VKORC1L1: variants seen among roughly 807,000 people sequenced by gnomAD.
VKORC1L1 encodes vitamin K epoxide reductase complex subunit 1-like protein 1.
In VKORC1L1, 2 loss-of-function variants were observed where a neutral mutation model predicts 18.9. The ratio of observed to expected loss-of-function variants is 0.11; its 90% CI spans 0.04 to 0.33. VKORC1L1 has a LOEUF of 0.33. Among genes scored for constraint, VKORC1L1 ranks in the 10% least tolerant of loss-of-function variants. The probability of loss-of-function intolerance (pLI) is 1.00; values close to 1 mark genes in which losing one functional copy is unlikely to be tolerated. For synonymous variants in VKORC1L1, 96 were observed against 100.0 expected (o/e 0.96, Z 0.24); for missense variants, 123 against 224.1 (o/e 0.55, Z 2.88).
chr7:65,869,434 G>A (rs1204166329), upstream of VKORC1L1, among the ~76,000 whole-genome samples: 1 of 152,106 alleles, frequency 6.6e-6, no homozygotes, highest in Non-Finnish European at 1.5e-5. Flanking sequence ...GTATGTCAGA[G>A]TTTAAGATTT....
At chr7:65,869,003 G>A (rs1788693692), upstream of VKORC1L1, among the ~76,000 whole-genome samples, 1 of 152,152 alleles carries the variant, frequency 6.6e-6, no homozygotes, top group African/African-American at 2.4e-5. Context: ...CCTTGGTTTT[G>A]AATGTATTTC....
intron 1 of VKORC1L1, among the ~76,000 whole-genome samples, chr7:65,939,954 T>G (rs1583861994): frequency 6.6e-6 from 1 of 152,174 alleles, no homozygotes; most frequent in Admixed American, 6.5e-5. Flanking sequence ...GATTGCCAAA[T>G]GTAATAGTCT....
chr7:65,940,711 G>A (rs1027901782), intron 1 of VKORC1L1, among the ~76,000 whole-genome samples: 3 of 152,144 alleles, frequency 2.0e-5, no homozygotes, highest in African/African-American at 7.2e-5. Flanking sequence ...CTCAGAAGGG[G>A]TTCAGAAGAC....
At chr7:65,946,940 G>C (rs1219663605) in intron 1 of VKORC1L1, among the ~76,000 whole-genome samples, 1 of 151,884 alleles carries the variant, frequency 6.6e-6, no homozygotes, top group African/African-American at 2.4e-5. Context: ...TTCAAGACCA[G>C]CCTTGGCACA....
intron 1 of VKORC1L1, among the ~76,000 whole-genome samples, chr7:65,935,786 G>A (rs577886203): frequency 1.3e-5 from 2 of 152,246 alleles, no homozygotes; most frequent in South Asian, 2.1e-4. Flanking sequence ...TGTTAACTGA[G>A]TTTTTGAATC....
chr7:65,919,783 C>T (rs1789646004), intron 1 of VKORC1L1, among the ~76,000 whole-genome samples: 1 of 152,096 alleles, frequency 6.6e-6, no homozygotes, highest in Admixed American at 6.5e-5. Flanking sequence ...CCAGGCCGGG[C>T]GCGGTGGCTC....
intron 1 of VKORC1L1, among the ~76,000 whole-genome samples, chr7:65,906,635 G>C (rs1789410731): frequency 6.6e-6 from 1 of 152,142 alleles, no homozygotes; most frequent in Non-Finnish European, 1.5e-5. Context: ...TTTGGCCCTA[G>C]GGACCCAGAA....
chr7:65,944,788 A>T (rs1790090122), intron 1 of VKORC1L1, among the ~76,000 whole-genome samples: 1 of 151,846 alleles, frequency 6.6e-6, no homozygotes, highest in South Asian at 2.1e-4. Flanking sequence ...ACGGTGGTGG[A>T]TGCCTGTGGT....
upstream of VKORC1L1, among the ~76,000 whole-genome samples, chr7:65,869,391 A>G (rs1391006335): frequency 6.6e-6 from 1 of 152,182 alleles, no homozygotes; most frequent in Non-Finnish European, 1.5e-5. Flanking sequence ...CCACCTTGGA[A>G]TATAGAATTT....
upstream of VKORC1L1, among the ~76,000 whole-genome samples, chr7:65,870,063 G>T (rs549417967): frequency 1.5e-3 from 235 of 151,906 alleles, 1 homozygote; most frequent in African/African-American, 5.5e-3. Flanking sequence ...TTTGCTGTGG[G>T]CCTATTGTTT....
chr7:65,944,036 T>G (rs1790078450), intron 1 of VKORC1L1, among the ~76,000 whole-genome samples: 1 of 152,142 alleles, frequency 6.6e-6, no homozygotes, highest in African/African-American at 2.4e-5. Context: ...CCCAGCACTT[T>G]GGGAGGCTTC....
chr7:65,890,717 T>C (rs1562984821), intron 1 of VKORC1L1, among the ~76,000 whole-genome samples: 1 of 152,224 alleles, frequency 6.6e-6, no homozygotes, highest in Non-Finnish European at 1.5e-5. Flanking sequence ...CTACCAACAA[T>C]GTGTGAGAAT....
intron 1 of VKORC1L1, among the ~76,000 whole-genome samples, chr7:65,909,909 G>T (rs1450293768): frequency 1.3e-5 from 2 of 151,872 alleles, no homozygotes; most frequent in African/African-American, 4.8e-5. Flanking sequence ...ATAGAGACAG[G>T]GTTTCAGGAT....
chr7:65,957,866 TTTTG>T lies in VKORC1L1; in HGVS notation c.*3570_*3573del, dbSNP rs1000628904. On this transcript the variant is annotated 3_prime_UTR_variant, in exon 3 of 3. Transcript: ENST00000360768. ...ATAAAAATAAAAACTATTTGTTGACTTTTGTTTTTCATTTAGTTTTGGAAAAGAC... is the reference window on the plus strand; with the variant it reads ...ATAAAAATAAAAACTATTTGTTGACTTTTTTCATTTAGTTTTGGAAAAGAC... The T allele has an allele frequency of 2.2e-5, 3 of 133,660 alleles. No individual in the cohort carries two copies. The highest frequency in any genetic ancestry group is 5.0e-5 in the African/African-American group (2 of 40,136). 8.3% of individuals were successfully genotyped at this position (133,660 alleles called of 1,614,324 possible).
At chr7:65,934,075 G>T (rs1342561013) in intron 1 of VKORC1L1, among the ~76,000 whole-genome samples, 2 of 152,022 alleles carry the variant, frequency 1.3e-5, no homozygotes, top group African/African-American at 4.8e-5. Context: ...ATCTTTTGAT[G>T]CATCTTTAGT....
chr7:65,867,734 C>A, the VKORC1L1 span, among the ~76,000 whole-genome samples: 2 of 152,150 alleles, frequency 1.3e-5, no homozygotes, highest in African/African-American at 4.8e-5. Flanking sequence ...AAGGTGTCCC[C>A]TTTTATGAGC....
intron 1 of VKORC1L1, among the ~76,000 whole-genome samples, chr7:65,908,352 G>A (rs1407729149): frequency 6.6e-6 from 1 of 152,142 alleles, no homozygotes; most frequent in Non-Finnish European, 1.5e-5. Context: ...GGCAGAGGTT[G>A]CAGTGAGCCG....
At chr7:65,900,087 G>A (rs1300003826) in intron 1 of VKORC1L1, among the ~76,000 whole-genome samples, 6 of 128,110 alleles carry the variant, frequency 4.7e-5, no homozygotes, top group Non-Finnish European at 6.7e-5. Context: ...GTGTGTGTGT[G>A]TATTGAAAAT....
chr7:65,930,942 T>G (rs1331304500), intron 1 of VKORC1L1, among the ~76,000 whole-genome samples: 2 of 152,206 alleles, frequency 1.3e-5, no homozygotes, highest in African/African-American at 2.4e-5. Flanking sequence ...TGAATAGATT[T>G]TGTATTTTGT....
Sources: allele counts gnomAD v4.1 joint callset (sites outside exome capture counted in the v4.1 genomes callset), GRCh38; gene constraint gnomAD v4.1.1; transcripts MANE v1.5; gene names NCBI Gene and HGNC (gene_info 2026-07-23, HGNC 2026-07-21).